KSR1: variants seen among roughly 807,000 people sequenced by gnomAD.
The protein encoded by KSR1 is kinase suppressor of ras 1, also known as kinase suppressor of ras.
Under a neutral mutation model 92.9 loss-of-function variants are expected in KSR1, and 35 were observed. The ratio of observed to expected loss-of-function variants is 0.38; its 90% confidence interval spans 0.29 to 0.50. The LOEUF is 0.50. KSR1 is among the 20% of genes least tolerant of loss of function. KSR1 has a pLI of 0.94. For synonymous variants in KSR1, 467 were observed against 472.6 expected (o/e 0.99, Z 0.15); for missense variants, 972 against 1,158.5 (o/e 0.84, Z 2.34).
rs377528579 is a variant in KSR1, at chr17:27,559,807, A to G, written c.372+9099A>G. Among the ~76,000 whole-genome samples, 3 of 152,198 alleles carry G rather than the reference A, an allele frequency of 2.0e-5. No individual in the cohort carries two copies. Among genetic ancestry groups the G allele is most frequent in the East Asian group, 3.9e-4 (2 of 5,172 alleles). On this transcript the variant is annotated intron_variant, in intron 2 of 20. Transcript: ENST00000644974. This position sits in a 1 kb window ranked among gnomAD's most constrained non-coding sequence, Gnocchi z 4.2. ...CTGCAGAGACCCTGAGGATGAGGAA[A>G]TCAGAGCGCTTGTGAAGCGCGTGAG... is the stretch of plus-strand genomic sequence containing the variant.
Position 27,462,841 on chromosome 17 carries a change from A to T in KSR1, c.231+5967A>T, listed in dbSNP as rs566242490. ...TCTTCCTGCATTTGCATATAAATGTACATGTGTATATTTGTGGCACATACC... is the reference window on the plus strand; with the variant it reads ...TCTTCCTGCATTTGCATATAAATGTTCATGTGTATATTTGTGGCACATACC... On this transcript the variant is annotated intron_variant, in intron 1 of 20. Transcript: ENST00000644974. Among the ~76,000 whole-genome samples, 36 of 152,370 alleles carry T rather than the reference A, an allele frequency of 2.4e-4. 1 individual carries two copies. In the South Asian group the frequency reaches 6.2e-3, roughly 26 times the overall value.
At chr17:27,590,783 A>T in intron 6 of KSR1, 28 bp from the exon 7 acceptor site, 1 of 1,595,846 alleles carries the variant, frequency 6.3e-7, no homozygotes, top group Non-Finnish European at 8.5e-7. Flanking sequence ...AGCTGGTGCA[A>T]ACATGTGCCT....
intron 1 of KSR1, among the ~76,000 whole-genome samples, chr17:27,504,094 T>C (rs1312886865): frequency 1.3e-5 from 2 of 152,226 alleles, no homozygotes; most frequent in Non-Finnish European, 2.9e-5. Flanking sequence ...GATGTTGTGC[T>C]TGGCCCCGTG....
intron 1 of KSR1, among the ~76,000 whole-genome samples, chr17:27,489,542 A>G (rs2068760349): frequency 6.6e-6 from 1 of 151,942 alleles, no homozygotes; most frequent in African/African-American, 2.4e-5. Flanking sequence ...TCTTTAGACT[A>G]CAATTCCTGG....
In KSR1 at chr17:27,597,409, C is replaced by T; in HGVS notation, c.1441C>T (p.Gln481Ter). Residue 481 changes from glutamine (Q) to a stop codon, truncating the protein, a stop_gained, in exon 10 of 21, where the codon CAG becomes TAG. Transcript: ENST00000644974. LOFTEE classifies it high-confidence loss of function. ...ATTPPNPSPG[Q>*]RDSRFNFPAA... ...CACGCCCCCCAACCCCTCACCTGGC[C>T]AGCGGGACAGCAGGTTCAACTTCCC... The T allele has an allele frequency of 6.2e-7, 1 of 1,610,792 alleles. No individual in the cohort carries two copies. The highest frequency in any genetic ancestry group is 1.7e-5 in the Admixed American group (1 of 59,860).
intron 1 of KSR1, among the ~76,000 whole-genome samples, chr17:27,501,900 C>T (rs574089254): frequency 2.2e-4 from 34 of 152,344 alleles, no homozygotes; most frequent in African/African-American, 7.5e-4. Context: ...ATTTAGGAAA[C>T]ATTTCGAGGT....
chr17:27,484,523 C>T (rs1015101776), intron 1 of KSR1, among the ~76,000 whole-genome samples: 3 of 152,180 alleles, frequency 2.0e-5, no homozygotes, highest in Admixed American at 6.5e-5. Flanking sequence ...TACCTGACCC[C>T]GTTGTTATTT....
intron 1 of KSR1, among the ~76,000 whole-genome samples, chr17:27,486,646 A>T (rs1052311447): frequency 1.2e-4 from 19 of 152,264 alleles, no homozygotes; most frequent in African/African-American, 4.6e-4. Context: ...GCCAACCTTG[A>T]CTGTGCCCTG....
chr17:27,464,060 C>T (rs529770398), intron 1 of KSR1, among the ~76,000 whole-genome samples: 1 of 152,284 alleles, frequency 6.6e-6, no homozygotes, highest in Admixed American at 6.5e-5. Flanking sequence ...CCTGGAGGCC[C>T]ACACCCTTGA....
At chr17:27,520,349 G>A (rs796919416) in intron 1 of KSR1, among the ~76,000 whole-genome samples, 4 of 152,276 alleles carry the variant, frequency 2.6e-5, no homozygotes, top group African/African-American at 9.6e-5. Flanking sequence ...GTATGTTATA[G>A]GCCAGACAGT....
chr17:27,552,049 G>T (rs1386043061), intron 2 of KSR1, among the ~76,000 whole-genome samples: 1 of 152,162 alleles, frequency 6.6e-6, no homozygotes, highest in South Asian at 2.1e-4. Context: ...CTTCCCTGGA[G>T]TGCTCTGCCC....
intron 1 of KSR1, among the ~76,000 whole-genome samples, chr17:27,520,978 C>T (rs1415833182): frequency 6.6e-6 from 1 of 152,224 alleles, no homozygotes; most frequent in African/African-American, 2.4e-5. Context: ...GCCTTGGGTT[C>T]GCTTCCTGCC....
At chr17:27,613,568 G>C (rs187658924) in intron 18 of KSR1, among the ~76,000 whole-genome samples, 69 of 152,340 alleles carry the variant, frequency 4.5e-4, no homozygotes, top group Middle Eastern at 3.4e-3. Flanking sequence ...TGGGTCTCCA[G>C]TCCATTGTGG....
chr17:27,549,622 C>T (rs1481705974), intron 1 of KSR1, among the ~76,000 whole-genome samples: 1 of 152,212 alleles, frequency 6.6e-6, no homozygotes, highest in Non-Finnish European at 1.5e-5. Flanking sequence ...AGAAAATACA[C>T]AGACTTGCAT....
rs775670428 is a variant in KSR1, at chr17:27,577,643, C to T, written c.520+4C>T. The stretch of plus-strand genomic sequence containing the variant: ...CTGCGGAAGGTGACAGGCCTGGGTA[C>T]GTGGGGCCTGCCACCCTCTCCCTTG... On this transcript the variant is annotated splice_donor_region_variant and intron_variant, in intron 3 of 20. Transcript: ENST00000644974. This position sits in a 1 kb window ranked among gnomAD's most constrained non-coding sequence, Gnocchi z 4.5. 3.2e-5 allele frequency: 50 copies of T among 1,549,348 alleles called. No individual in the cohort carries two copies. The highest frequency in any genetic ancestry group is 3.8e-5 in the Non-Finnish European group (44 of 1,151,248).
chr17:27,547,137 G>C (rs1024034258), intron 1 of KSR1, among the ~76,000 whole-genome samples: 1 of 152,234 alleles, frequency 6.6e-6, no homozygotes, highest in South Asian at 2.1e-4. Context: ...CCATGGGAGA[G>C]GGGTAAGTAA....
chr17:27,545,884 C>T (rs2071155366), intron 1 of KSR1, among the ~76,000 whole-genome samples: 1 of 152,212 alleles, frequency 6.6e-6, no homozygotes, highest in Non-Finnish European at 1.5e-5. Flanking sequence ...GTGGGCTAAT[C>T]TCAATGTTGG....
chr17:27,479,377 A>G (rs550372172), intron 1 of KSR1, among the ~76,000 whole-genome samples: 1 of 152,296 alleles, frequency 6.6e-6, no homozygotes, highest in African/African-American at 2.4e-5. Context: ...GTGAGTTCAC[A>G]TAACCCACAT....
At chr17:27,502,676 G>A (rs2069233959) in intron 1 of KSR1, among the ~76,000 whole-genome samples, 1 of 152,214 alleles carries the variant, frequency 6.6e-6, no homozygotes, top group South Asian at 2.1e-4. Flanking sequence ...GCTCACACTT[G>A]AGCGTCAGCA....
Sources: gnomAD v4.1 joint callset for allele counts (sites outside exome capture counted in the v4.1 genomes callset) on GRCh38, gnomAD v4.1.1 for gene constraint, Gnocchi (gnomAD v3.1) non-coding constraint, MANE v1.5 for transcripts, NCBI Gene and HGNC (gene_info 2026-07-23, HGNC 2026-07-21) for gene names.